Variants in CD38 observed in about 807,000 individuals in gnomAD.
The protein encoded by CD38 is ADP-ribosyl cyclase/cyclic ADP-ribose hydrolase 1.
In CD38, 31 loss-of-function variants were observed where a neutral mutation model predicts 36.3. That is an observed-to-expected ratio of 0.85 (90% CI 0.64 to 1.15). The LOEUF (loss-of-function observed/expected upper bound fraction) is 1.15, where lower values mean the gene tolerates loss of function less well. Among genes scored for constraint, CD38 ranks in the 50% most tolerant of loss-of-function variants. CD38 has a pLI of 0.00. For synonymous variants in CD38, 131 were observed against 135.2 expected, an observed-to-expected ratio of 0.97 and a Z score of 0.22; for missense variants, 380 against 371.9, an observed-to-expected ratio of 1.02 and a Z score of -0.18.
intron 1 of CD38, among the ~76,000 whole-genome samples, chr4:15,784,741 C>T (rs1722773620): frequency 6.6e-6 from 1 of 152,140 alleles, no homozygotes; most frequent in African/African-American, 2.4e-5. Flanking sequence ...TTCAGTCCTA[C>T]CTTTTGTTCT....
At chr4:15,835,016 AT>A (rs1367977576) in intron 4 of CD38, among the ~76,000 whole-genome samples, 5 of 152,178 alleles carry the variant, frequency 3.3e-5, no homozygotes, top group African/African-American at 1.2e-4. Flanking sequence ...CATCTCGAAC[AT>A]TTATCATTTC....
intron 1 of CD38, among the ~76,000 whole-genome samples, chr4:15,808,461 G>A (rs1723391611): frequency 6.6e-6 from 1 of 152,228 alleles, no homozygotes; most frequent in African/African-American, 2.4e-5. Context: ...ATTTGGTATA[G>A]TTGCCCAGGC....
chr4:15,840,500 CA>C lies in CD38; in HGVS notation c.805del (p.Arg269GlyfsTer20). 1 of 1,604,718 alleles carries C rather than the reference CA, an allele frequency of 6.2e-7. No individual in the cohort carries two copies. Among genetic ancestry groups the C allele is most frequent in the Non-Finnish European group, 8.5e-7 (1 of 1,172,142 alleles). On this transcript the variant is annotated frameshift_variant, in exon 7 of 8. Transcript: ENST00000226279. LOFTEE classifies it low-confidence loss of function (END_TRUNC). Reference protein sequence around the residue: ...TIKELESIISKRNIQFSCKNI... With the variant: ...TIKELESIISXRNIQFSCKNI... ...TAAAAGAGCTGGAATCGATTATAAG[CA>C]AAAGGAATATTCAATTTTCCTGCAA...
intron 7 of CD38, among the ~76,000 whole-genome samples, chr4:15,847,702 A>G (rs913903841): frequency 1.3e-5 from 2 of 151,234 alleles, no homozygotes; most frequent in Admixed American, 1.3e-4. Flanking sequence ...AGAAACCTAG[A>G]CAAAGACTGG....
intron 2 of CD38, among the ~76,000 whole-genome samples, chr4:15,824,433 T>G (rs1314083090): frequency 6.6e-6 from 1 of 152,176 alleles, no homozygotes; most frequent in African/African-American, 2.4e-5. Context: ...TGTATTTTTT[T>G]TTTAGTAGGG....
chr4:15,834,224 C>G lies in CD38; in HGVS notation c.507C>G (p.Asn169Lys), dbSNP rs1472986644. The change falls in exon 4 of 8, where the codon AAC becomes AAG. Residue 169 changes from asparagine to lysine, a missense_variant. By Grantham distance (94) the Asn-to-Lys change is moderately conservative. Transcript: ENST00000226279. ...WCGEFNTSKI[N>K]YQSCPDWRKD... ...ACAAACTATGTCTTTTAGAAATAAACTATCAATCTTGCCCAGACTGGAGAA... is the reference window on the plus strand; with the variant it reads ...ACAAACTATGTCTTTTAGAAATAAAGTATCAATCTTGCCCAGACTGGAGAA... 1 of 1,601,000 alleles carries G rather than the reference C, an allele frequency of 6.2e-7. No homozygotes were observed.
chr4:15,831,258 T>C (rs2148926177), intron 3 of CD38, among the ~76,000 whole-genome samples: 1 of 152,332 alleles, frequency 6.6e-6, no homozygotes, highest in East Asian at 1.9e-4. Context: ...ATTGTAGTTA[T>C]TATTTCTGAT....
chr4:15,782,852 G>A (rs532008409), intron 1 of CD38, among the ~76,000 whole-genome samples: 5 of 152,232 alleles, frequency 3.3e-5, no homozygotes, highest in African/African-American at 1.2e-4. Context: ...TGCACTAACA[G>A]TCTCCTTTAG....
intron 1 of CD38, among the ~76,000 whole-genome samples, chr4:15,792,729 G>A (rs1353680828): frequency 1.3e-5 from 2 of 151,950 alleles, no homozygotes; most frequent in African/African-American, 2.4e-5. Flanking sequence ...CTTTCAGTCT[G>A]TAACTCTAAA....
At chr4:15,829,516 TCTC>T (rs1456596675) in intron 3 of CD38, among the ~76,000 whole-genome samples, 2 of 152,030 alleles carry the variant, frequency 1.3e-5, no homozygotes, top group African/African-American at 4.8e-5. Context: ...TCGCAAAAAA[TCTC>T]CTAATTTCTA....
intron 1 of CD38, among the ~76,000 whole-genome samples, chr4:15,788,392 T>C (rs552031766): frequency 6.6e-6 from 1 of 152,194 alleles, no homozygotes; most frequent in Admixed American, 6.5e-5. Flanking sequence ...TGACACGTTA[T>C]CCGCCCCCAG....
At chr4:15,831,879 C>A (rs761697319) in intron 3 of CD38, among the ~76,000 whole-genome samples, 21 of 152,146 alleles carry the variant, frequency 1.4e-4, no homozygotes, top group Non-Finnish European at 2.8e-4. Flanking sequence ...AACTTTCTAC[C>A]TGTATCTCTT....
At chr4:15,784,663 T>C (rs777464054) in intron 1 of CD38, among the ~76,000 whole-genome samples, 16 of 152,164 alleles carry the variant, frequency 1.1e-4, no homozygotes, top group African/African-American at 1.7e-4. Context: ...TGAGATTCAG[T>C]AGAGTGCTGG....
intron 3 of CD38, chr4:15,825,593 A>G (rs1723829287): frequency 6.6e-6 from 1 of 152,278 alleles, no homozygotes; most frequent in Non-Finnish European, 1.5e-5. Flanking sequence ...TCAGGCTGAT[A>G]TAAAGTAGCA....
intron 2 of CD38, among the ~76,000 whole-genome samples, chr4:15,821,380 CA>C (rs199562926): frequency 3.5e-5 from 5 of 144,276 alleles, no homozygotes; most frequent in South Asian, 2.2e-4. Context: ...AAATCCCTTC[CA>C]AAAAAAAATG....
At chr4:15,781,258 C>G (rs892358828) in intron 1 of CD38, among the ~76,000 whole-genome samples, 4 of 152,202 alleles carry the variant, frequency 2.6e-5, no homozygotes, top group African/African-American at 9.7e-5. Flanking sequence ...ATAATAGGGT[C>G]TGCCTTTCTT....
intron 1 of CD38, among the ~76,000 whole-genome samples, chr4:15,782,407 T>G (rs1722719292): frequency 6.6e-6 from 1 of 152,254 alleles, no homozygotes; most frequent in Non-Finnish European, 1.5e-5. Flanking sequence ...CTTTTGTCCT[T>G]CTCTTACACT....
chr4:15,852,915 A>T lies in CD38; in HGVS notation c.*4313A>T, dbSNP rs987684977. The stretch of plus-strand genomic sequence containing the variant: ...GGCTCCACCCCCTGGGGTTCACGCC[A>T]TTCTCCTGCCTCAGCCTCCCAAGTA... On this transcript the variant is annotated 3_prime_UTR_variant, in exon 8 of 8. Coordinates refer to ENST00000226279, the MANE Select transcript of CD38 (RefSeq NM_001775.4). 6.7e-6 allele frequency: 1 copy of T among 148,664 alleles called. No homozygotes were observed. Among genetic ancestry groups the T allele is most frequent in the Non-Finnish European group, 1.5e-5 (1 of 67,716 alleles). 9.2% of individuals were successfully genotyped at this position (148,664 alleles called of 1,614,324 possible).
intron 1 of CD38, among the ~76,000 whole-genome samples, chr4:15,804,139 G>C (rs1723290183): frequency 6.6e-6 from 1 of 151,804 alleles, no homozygotes; most frequent in African/African-American, 2.4e-5. Flanking sequence ...TCTTTTTTTT[G>C]GTAGAACAAT....
Sources: allele counts gnomAD v4.1 joint callset (sites outside exome capture counted in the v4.1 genomes callset), GRCh38; gene constraint gnomAD v4.1.1; transcripts MANE v1.5; gene names NCBI Gene and HGNC (gene_info 2026-07-23, HGNC 2026-07-21).